The following MCM3AP variants were observed in gnomAD, a reference collection of about 807,000 sequenced individuals.
MCM3AP encodes the protein germinal-center associated nuclear protein.
Under a neutral mutation model 184.1 loss-of-function variants are expected in MCM3AP, and 126 were observed. The ratio of observed to expected loss-of-function variants is 0.68; its 90% CI spans 0.59 to 0.79. The LOEUF is 0.79. Among genes scored for constraint, MCM3AP ranks in the 30% least tolerant of loss-of-function variants. The pLI, the probability that MCM3AP is intolerant of heterozygous loss-of-function variation, is 0.00. For synonymous variants in MCM3AP, 1,002 were observed against 979.3 expected (o/e 1.02, Z -0.43); for missense variants, 2,496 against 2,479.2 (o/e 1.01, Z -0.14).
At chr21:46,255,723 CAG>C (rs931860255) in intron 17 of MCM3AP, among the ~76,000 whole-genome samples, 308 of 151,686 alleles carry the variant, frequency 2.0e-3, no homozygotes, top group African/African-American at 7.0e-3. Context: ...CAGTGACAGA[CAG>C]GGGTGACAGG....
chr21:46,267,154 A>G lies in MCM3AP; in HGVS notation c.2629-12T>C, dbSNP rs1209857367. ...GCATCCTTGCGGATCTGAGAGGAGGAGCGAAATCACTGCAGTCTCAGACGA... is the reference window on the plus strand; with the variant it reads ...GCATCCTTGCGGATCTGAGAGGAGGGGCGAAATCACTGCAGTCTCAGACGA... On this transcript the variant is annotated splice_polypyrimidine_tract_variant and intron_variant, in intron 9 of 27. Coordinates refer to ENST00000291688, the MANE Select transcript of MCM3AP (RefSeq NM_003906.5). 3.7e-6 allele frequency: 6 copies of G among 1,611,948 alleles called. No homozygotes were observed. The highest frequency in any genetic ancestry group is 4.2e-6 in the Non-Finnish European group (5 of 1,179,158).
At chr21:46,257,348 G>A (rs570378544) in intron 16 of MCM3AP, among the ~76,000 whole-genome samples, 4 of 151,828 alleles carry the variant, frequency 2.6e-5, no homozygotes, top group South Asian at 4.2e-4. Flanking sequence ...GGTGGTGGGC[G>A]ACTGTGGTCC....
Position 46,284,793 on chromosome 21 carries a change from T to C in MCM3AP, c.494A>G (p.Glu165Gly). The stretch of plus-strand genomic sequence containing the variant: ...AGAAGCAATTTGGCTCTGGGTTTTC[T>C]CTGGCTCAGATTCAGCCCCCAGTAT... ...KPILGAESEP[E>G]KTQSQIASGF... Residue 165 changes from glutamate (E) to glycine (G), a missense_variant, in exon 1 of 28, where the codon GAG becomes GGG. Coordinates refer to ENST00000291688, the MANE Select transcript of MCM3AP (RefSeq NM_003906.5). 1 of 1,613,756 alleles carries C rather than the reference T, an allele frequency of 6.2e-7. No individual in the cohort carries two copies. The highest frequency in any genetic ancestry group is 8.5e-7 in the Non-Finnish European group (1 of 1,179,904).
At position 46,237,784 on chromosome 21, in the gene MCM3AP, C is replaced by G. The variant is rs1009077820; in HGVS notation, c.5634-805G>C. ...GTACTTATTAAAAATTTAACAACTT[C>G]CTATGATAAAGCTTAATTTAAAAAA... On this transcript the variant is annotated intron_variant, in intron 26 of 27. Coordinates refer to ENST00000291688, the MANE Select transcript of MCM3AP (RefSeq NM_003906.5). Among the ~76,000 whole-genome samples, 31 of 113,550 alleles carry G rather than the reference C, an allele frequency of 2.7e-4. 10 individuals carry two copies. Among genetic ancestry groups the G allele is most frequent in the Non-Finnish European group, 3.7e-5 (2 of 53,810 alleles). 74.5% of individuals were successfully genotyped at this position (113,550 alleles called of 152,430 possible).
chr21:46,284,096 T>G lies in MCM3AP; in HGVS notation c.1191A>C (p.Glu397Asp). 1 of 1,613,534 alleles carries G rather than the reference T, an allele frequency of 6.2e-7. No individual in the cohort carries two copies. Among genetic ancestry groups the G allele is most frequent in the South Asian group, 1.1e-5 (1 of 90,994 alleles). Residue 397 changes from glutamate to aspartate, a missense_variant, in exon 1 of 28, where the codon GAA (glutamate) becomes GAC (aspartate). Glu to Asp is a conservative substitution (Grantham distance 45). Coordinates refer to ENST00000291688, the MANE Select transcript of MCM3AP (RefSeq NM_003906.5). Reference sequence around the variant, plus strand: ...CTTTCTTCTCTCTACTTTCAGTTTCTTCCTCTTTATTCACACCTGGAATCC... The same window carrying G: ...CTTTCTTCTCTCTACTTTCAGTTTCGTCCTCTTTATTCACACCTGGAATCC... ...PSRIPGVNKE[E>D]ETESREKKED...
rs772368808 is a variant in MCM3AP at position 46,285,188 on chromosome 21, A to T, written c.99T>A (p.Phe33Leu). ...TTTGTCCAAAAAGAGAAGGTTGACCAAATCGAAATGGCGGCTTAGATGGAA... is the reference window on the plus strand; with the variant it reads ...TTTGTCCAAAAAGAGAAGGTTGACCTAATCGAAATGGCGGCTTAGATGGAA... ...GTLPSKPPFR[F>L]GQPSLFGQNS... The change falls in exon 1 of 28, where the codon TTT (phenylalanine) becomes TTA (leucine). Residue 33 changes from phenylalanine (F) to leucine (L), a missense_variant. Physicochemically the swap from Phe to Leu is conservative, Grantham distance 22. Around this residue, in one of 5 missense-constraint regions of MCM3AP, gnomAD observed 800 missense variants for 717.1 expected, o/e 1.12. Coordinates refer to ENST00000291688, the MANE Select transcript of MCM3AP (RefSeq NM_003906.5). 2.5e-6 allele frequency: 4 copies of T among 1,614,164 alleles called. No individual in the cohort carries two copies. The African/African-American group carries it at 4.0e-5, about 16-fold the overall frequency.
At chr21:46,280,190 C>T (rs1601546267) in intron 3 of MCM3AP, 53 bp from the exon 4 acceptor site, 5 of 1,579,320 alleles carry the variant, frequency 3.2e-6, no homozygotes, top group Non-Finnish European at 4.3e-6. Context: ...TCACCTGGAA[C>T]TGGATTTTTT....
At chr21:46,280,953 C>G (rs374728073) in intron 2 of MCM3AP, among the ~76,000 whole-genome samples, 1 of 152,144 alleles carries the variant, frequency 6.6e-6, no homozygotes, top group Non-Finnish European at 1.5e-5. Context: ...TACAGGCGCC[C>G]GCCACCACAT....
Position 46,240,914 on chromosome 21 carries a change from TC to T in MCM3AP, c.5529del (p.Arg1844GlyfsTer8). 1 of 1,614,142 alleles carries T rather than the reference TC, an allele frequency of 6.2e-7. No individual in the cohort carries two copies. ...WKRSTECAQE[G>X]RIPSTEDLMR... Reference sequence around the variant, plus strand: ...ATCAGATCCTCTGTGCTGGGAATCCTCCCCTCTTGAGCACACTCTGTGCTCC... The same window carrying T: ...ATCAGATCCTCTGTGCTGGGAATCCTCCCTCTTGAGCACACTCTGTGCTCC... On this transcript the variant is annotated frameshift_variant, in exon 26 of 28. Coordinates refer to ENST00000291688, the MANE Select transcript of MCM3AP (RefSeq NM_003906.5). LOFTEE classifies it high-confidence loss of function.
chr21:46,265,210 G>A, intron 12 of MCM3AP, 111 bp downstream of exon 12: 2 of 961,764 alleles, frequency 2.1e-6, no homozygotes, highest in East Asian at 5.2e-5. Flanking sequence ...CCCCTCTCTG[G>A]ACTCTCCTGA....
chr21:46,277,529 T>G lies in MCM3AP; in HGVS notation c.1856A>C (p.Gln619Pro), dbSNP rs776612257. The G allele has an allele frequency of 1.3e-6, 2 of 1,569,472 alleles. No homozygotes were observed. The highest frequency in any genetic ancestry group is 1.9e-5 in the Admixed American group (1 of 53,186). ...LLDQRDRIMR[Q>P]ARVKRTDLDK... ...ACCTCTGCCACCAAGTGCCATACCT[T>G]GCCGCATGATCCTGTCTCTCTGGTC... Residue 619 changes from glutamine to proline, a missense_variant and splice_region_variant, in exon 5 of 28, where the codon CAA becomes CCA. Gln to Pro is a moderately conservative substitution (Grantham distance 76). Around this residue, in one of 5 missense-constraint regions of MCM3AP, gnomAD observed 130 missense variants for 199.8 expected, o/e 0.65. Transcript: ENST00000291688.
At position 46,260,865 on chromosome 21, in the gene MCM3AP, T is replaced by C. The variant is rs186506332; in HGVS notation, c.3509A>G (p.Gln1170Arg). 6.2e-7 allele frequency: 1 copy of C among 1,614,160 alleles called. No homozygotes were observed. Among genetic ancestry groups the C allele is most frequent in the East Asian group, 2.2e-5 (1 of 44,882 alleles). The change falls in exon 15 of 28, where the codon CAG (glutamine) becomes CGG (arginine). Residue 1170 changes from glutamine to arginine, a missense_variant. Transcript: ENST00000291688. ...ERELVLSELS[Q>R]GLAVELMERV... ...TTCCATCAGCTCCACGGCCAGGCCC[T>C]GGCTCAGCTCACTTAACACCAGCTC...
intron 5 of MCM3AP, among the ~76,000 whole-genome samples, chr21:46,275,830 C>T (rs546694352): frequency 2.6e-5 from 4 of 152,294 alleles, no homozygotes; most frequent in South Asian, 2.1e-4. Flanking sequence ...ATATAATGGA[C>T]GTTAACTGGG....
intron 26 of MCM3AP, 95 bp from the exon 27 acceptor site, chr21:46,237,074 C>A (rs1012589851): frequency 8.7e-6 from 5 of 574,480 alleles, no homozygotes; most frequent in Non-Finnish European, 1.3e-5. Context: ...ACTTTTTAAG[C>A]CTTTGCTTTT....
At position 46,272,776 on chromosome 21, in the gene MCM3AP, C is replaced by T. The variant is rs2081198049; in HGVS notation, c.2250G>A (p.Lys750=). 1.2e-6 allele frequency: 2 copies of T among 1,612,866 alleles called. No homozygotes were observed. The highest frequency in any genetic ancestry group is 1.7e-6 in the Non-Finnish European group (2 of 1,179,232). The stretch of plus-strand genomic sequence containing the variant: ...CACAGTGGATGTGAAACCGGGTGCA[C>T]TTCTCAATCAGGGACACCGTCAGGG... The part of the protein sequence containing the change: ...CDPLTVSLIE[K]CTRFHIHCAH... The change falls in exon 8 of 28, where the codon AAG becomes AAA. Residue 750 remains lysine, a synonymous_variant. Coordinates refer to ENST00000291688, the MANE Select transcript of MCM3AP (RefSeq NM_003906.5).
Position 46,269,673 on chromosome 21 carries a change from G to A in MCM3AP, c.2628+728C>T, listed in dbSNP as rs549629983. 3.9e-5 allele frequency among the ~76,000 whole-genome samples: 6 copies of A among 152,234 alleles called. No homozygotes were observed. The East Asian group carries it at 9.6e-4, about 24-fold the overall frequency. On this transcript the variant is annotated intron_variant, in intron 9 of 27. Coordinates refer to ENST00000291688, the MANE Select transcript of MCM3AP (RefSeq NM_003906.5). ...ATCCTCCCCACGCTGTGGCCACTAC[G>A]GGCTTGTGGCAAGGAATCCTGGCAG...
chr21:46,244,713 G>A (rs1419783907), intron 23 of MCM3AP, 94 bp downstream of exon 23: 1 of 1,366,184 alleles, frequency 7.3e-7, no homozygotes, highest in Non-Finnish European at 1.0e-6. Flanking sequence ...CCTCACACTG[G>A]TGCCCAACAC....
intron 6 of MCM3AP, among the ~76,000 whole-genome samples, chr21:46,274,837 A>C (rs1413230884): frequency 6.8e-6 from 1 of 146,576 alleles, no homozygotes; most frequent in Non-Finnish European, 1.5e-5. Context: ...CTGTAAGCTG[A>C]GTGAGAGGAG....
intron 6 of MCM3AP, among the ~76,000 whole-genome samples, 187 bp from the exon 7 acceptor site, chr21:46,273,772 T>A (rs771503955): frequency 4.6e-5 from 7 of 152,250 alleles, no homozygotes; most frequent in Non-Finnish European, 8.8e-5. Flanking sequence ...TAGAGAAATT[T>A]GATTTTGGCA....
Sources: gnomAD v4.1 joint callset for allele counts (sites outside exome capture counted in the v4.1 genomes callset) on GRCh38, gnomAD v4.1.1 for gene constraint, gnomAD v4.1.1 regional missense constraint, MANE v1.5 for transcripts, NCBI Gene and HGNC (gene_info 2026-07-23, HGNC 2026-07-21) for gene names.